The following CIITA variants were observed in gnomAD, a reference collection of about 807,000 sequenced individuals.
CIITA encodes the protein class II major histocompatibility complex transactivator.
Under a neutral mutation model 115.1 loss-of-function variants are expected in CIITA, and 72 were observed. The observed-to-expected ratio is 0.63, with a 90% CI of 0.52 to 0.76. The LOEUF (loss-of-function observed/expected upper bound fraction) is 0.76, where lower values mean the gene tolerates loss of function less well. Among genes scored for constraint, CIITA ranks in the 30% least tolerant of loss-of-function variants. The pLI is 0.00. For synonymous variants in CIITA, 763 were observed against 635.6 expected, an observed-to-expected ratio of 1.20 and a Z score of -3.02; for missense variants, 1,617 against 1,463.8, an observed-to-expected ratio of 1.10 and a Z score of -1.71.
At chr16:10,922,058 C>A in intron 16 of CIITA, 109 bp from the exon 17 acceptor site, 1 of 977,302 alleles carries the variant, frequency 1.0e-6, no homozygotes, top group Non-Finnish European at 1.7e-6. Flanking sequence ...GATTCCTTCC[C>A]CCAGGGATAG....
Position 10,923,913 on chromosome 16 carries a change from G to A in CIITA, c.*58G>A, listed in dbSNP as rs2040412538. The A allele has an allele frequency of 6.4e-6, 1 of 155,044 alleles. No individual in the cohort carries two copies. Among genetic ancestry groups the A allele is most frequent in the Non-Finnish European group, 1.4e-5 (1 of 69,662 alleles). The allele number at this position is 155,044 out of a possible 1,614,324, so 9.6% of individuals were successfully genotyped here. ...GAGGACACTAACCACGCTGGACCTT[G>A]AACTGGGTACTTGTGGACACAGCTC... On this transcript the variant is annotated 3_prime_UTR_variant, in exon 20 of 20. Coordinates refer to ENST00000324288, the MANE Select transcript of CIITA (RefSeq NM_000246.4). The surrounding 1 kb of genome is among the most constrained non-coding windows in gnomAD (Gnocchi z 5.2).
At chr16:10,892,249 G>A (rs1445185320) in intron 1 of CIITA, among the ~76,000 whole-genome samples, 1 of 152,020 alleles carries the variant, frequency 6.6e-6, no homozygotes, top group African/African-American at 2.4e-5. Context: ...GCTTGAATCC[G>A]GGAGGCAGAG....
At chr16:10,902,288 C>A in intron 7 of CIITA, 104 bp downstream of exon 7, 1 of 1,483,126 alleles carries the variant, frequency 6.7e-7, no homozygotes, top group East Asian at 2.4e-5. Context: ...TCACCTCTCC[C>A]CAACCCTATC....
chr16:10,877,128 GTTTTTTTGATGATCCCTC>G, upstream of CIITA: 1 of 639,772 alleles, frequency 1.6e-6, no homozygotes, highest in Admixed American at 2.4e-5. Context: ...TGCAGGGAGA[GTTTTTTTGATGATCCCTC>G]ACTTGTTTCT....
At chr16:10,896,850 G>A (rs2038180778) in intron 3 of CIITA, among the ~76,000 whole-genome samples, 1 of 152,210 alleles carries the variant, frequency 6.6e-6, no homozygotes, top group South Asian at 2.1e-4. Flanking sequence ...ATCATACCAA[G>A]GAAGAAAATG....
At chr16:10,883,027 C>T (rs965624715) in intron 1 of CIITA, among the ~76,000 whole-genome samples, 1 of 152,218 alleles carries the variant, frequency 6.6e-6, no homozygotes, top group Non-Finnish European at 1.5e-5. Context: ...ACAGCCAAGC[C>T]TGCCGATGGC....
intron 1 of CIITA, among the ~76,000 whole-genome samples, chr16:10,891,346 C>T (rs914737012): frequency 6.6e-5 from 10 of 152,036 alleles, no homozygotes; most frequent in Admixed American, 6.6e-5. Context: ...ACGTCCTTCC[C>T]GGGGTCTCAG....
At chr16:10,873,815 A>G (rs937828952), upstream of CIITA, among the ~76,000 whole-genome samples, 8 of 152,020 alleles carry the variant, frequency 5.3e-5, no homozygotes, top group Non-Finnish European at 1.0e-4. Context: ...AGACAAATAA[A>G]TTCAGATCCC....
Position 10,929,223 on chromosome 16 carries a change from C to G in CIITA, c.*5368C>G, listed in dbSNP as rs990296816. On this transcript the variant is annotated 3_prime_UTR_variant, in exon 20 of 20. Coordinates refer to ENST00000324288, the MANE Select transcript of CIITA (RefSeq NM_000246.4). The surrounding 1 kb of genome is among the most constrained non-coding windows in gnomAD (Gnocchi z 4.3). Reference sequence around the variant, plus strand: ...GCCTGAAGGCTCAACTCACATCAAACGGAGCTGGGAGTCGCTTTTGCGTGT... The same window carrying G: ...GCCTGAAGGCTCAACTCACATCAAAGGGAGCTGGGAGTCGCTTTTGCGTGT... 1 of 985,766 alleles carries G rather than the reference C, an allele frequency of 1.0e-6. No homozygotes were observed. Among genetic ancestry groups the G allele is most frequent in the Admixed American group, 6.1e-5 (1 of 16,264 alleles). The allele number at this position is 985,766 out of a possible 1,614,324, so 61.1% of individuals were successfully genotyped here.
intron 1 of CIITA, among the ~76,000 whole-genome samples, chr16:10,868,291 C>G (rs995457367): frequency 6.7e-6 from 1 of 148,620 alleles, no homozygotes; most frequent in Non-Finnish European, 1.5e-5. Context: ...GCCCAGGTCC[C>G]CCAGGTGGGA....
chr16:10,882,603 A>C (rs2036538497), intron 1 of CIITA, among the ~76,000 whole-genome samples: 1 of 151,972 alleles, frequency 6.6e-6, no homozygotes, highest in Non-Finnish European at 1.5e-5. Flanking sequence ...AATTTTTGAA[A>C]ATACAGATTC....
At position 10,906,511 on chromosome 16, in the gene CIITA, A is replaced by G. The variant is rs772860663; in HGVS notation, c.1019A>G (p.Gln340Arg). 2 of 1,611,966 alleles carry G rather than the reference A, an allele frequency of 1.2e-6. No homozygotes were observed. The highest frequency in any genetic ancestry group is 3.3e-5 in the Admixed American group (2 of 60,020). ...CTGGCCTTTGCAGAGCCGGTGGAGCAGTTCTACCGCTCACTGCAGGACACG... is the reference window on the plus strand; with the variant it reads ...CTGGCCTTTGCAGAGCCGGTGGAGCGGTTCTACCGCTCACTGCAGGACACG... ...KLPKWPEPVE[Q>R]FYRSLQDTYG... is the part of the protein sequence containing the mutation. The change falls in exon 11 of 20, where the codon CAG becomes CGG. Residue 340 changes from glutamine to arginine, a missense_variant. By Grantham distance (43) the Gln-to-Arg change is conservative (BLOSUM62 1). Coordinates refer to ENST00000324288, the MANE Select transcript of CIITA (RefSeq NM_000246.4).
intron 11 of CIITA, chr16:10,908,738 C>T: frequency 1.7e-6 from 1 of 583,204 alleles, no homozygotes; most frequent in Non-Finnish European, 3.1e-6. Flanking sequence ...TTCCATATTT[C>T]CCCCTAAACA....
chr16:10,912,989 C>G (rs1390289749), intron 13 of CIITA, among the ~76,000 whole-genome samples: 1 of 152,274 alleles, frequency 6.6e-6, no homozygotes, highest in African/African-American at 2.4e-5. Flanking sequence ...ACAGGGACTT[C>G]GTTTGTACAC....
downstream of CIITA, chr16:10,941,102 A>G (rs4781025): frequency 0.42 from 63,251 of 152,100 alleles, 13,550 homozygotes; most frequent in East Asian, 0.59. This position sits in a 1 kb window ranked among gnomAD's most constrained non-coding sequence, Gnocchi z 6.4. Flanking sequence ...ATCCCCACCC[A>G]GCTACCCCAA....
Position 10,925,533 on chromosome 16 carries a change from C to G in CIITA, c.*1678C>G, listed in dbSNP as rs191219529. ...CTATGTTGCCCAGGCAGGTCTTGAA[C>G]TCCTGGCCTCAAGTGATTCTCCTGC... On this transcript the variant is annotated 3_prime_UTR_variant, in exon 20 of 20. Transcript: ENST00000324288. 523 of 152,486 alleles carry G rather than the reference C, an allele frequency of 3.4e-3. 1 individual carries two copies. Among genetic ancestry groups the G allele is most frequent in the Non-Finnish European group, 5.4e-3 (369 of 68,156 alleles). The allele number at this position is 152,486 out of a possible 1,614,324, so 9.4% of individuals were successfully genotyped here.
At chr16:10,877,928 C>T (rs1158307695) in intron 1 of CIITA, among the ~76,000 whole-genome samples, 1 of 152,158 alleles carries the variant, frequency 6.6e-6, no homozygotes, top group Non-Finnish European at 1.5e-5. Flanking sequence ...GTGGGAAGAG[C>T]ACAGTGCAGA....
chr16:10,939,966 A>C (rs924153094), downstream of CIITA: 9 of 152,450 alleles, frequency 5.9e-5, no homozygotes, highest in Non-Finnish European at 1.2e-4. This position sits in a 1 kb window ranked among gnomAD's most constrained non-coding sequence, Gnocchi z 4.9. Flanking sequence ...GGACGGATGG[A>C]TGGCAGGCAG....
intron 12 of CIITA, 24 bp downstream of exon 12, chr16:10,909,211 G>A (rs2039389175): frequency 1.2e-6 from 2 of 1,612,818 alleles, no homozygotes; most frequent in Admixed American, 1.7e-5. Context: ...CGGATGGGAG[G>A]TGGTTCACGC....
Sources: allele counts gnomAD v4.1 joint callset (sites outside exome capture counted in the v4.1 genomes callset), GRCh38; gene constraint gnomAD v4.1.1; non-coding constraint Gnocchi (gnomAD v3.1); transcripts MANE v1.5; gene names NCBI Gene and HGNC (gene_info 2026-07-23, HGNC 2026-07-21).